Variants in SNX24 observed in about 807,000 individuals in gnomAD.
The protein encoded by SNX24 is sorting nexin-24.
A neutral mutation model predicts 28.7 loss-of-function variants in SNX24; 22 were observed. The ratio of observed to expected loss-of-function variants is 0.77; its 90% CI spans 0.55 to 1.10. SNX24 has a LOEUF of 1.10. Among genes scored for constraint, SNX24 ranks in the 50% least tolerant of loss-of-function variants. SNX24 has a pLI of 0.00. For synonymous variants in SNX24, 69 were observed against 71.5 expected, an observed-to-expected ratio of 0.96 and a Z score of 0.18; for missense variants, 221 against 201.1, an observed-to-expected ratio of 1.10 and a Z score of -0.60.
chr5:123,008,108 A>T lies in SNX24; in HGVS notation c.*359A>T. 1 of 1,038,280 alleles carries T rather than the reference A, an allele frequency of 9.6e-7. No homozygotes were observed. The highest frequency in any genetic ancestry group is 1.2e-6 in the Non-Finnish European group (1 of 864,146). 64.3% of individuals were successfully genotyped at this position (1,038,280 alleles called of 1,614,324 possible). A position where few individuals can be genotyped will look rare whatever the true frequency, so the allele number is the denominator to read the frequency against. On this transcript the variant is annotated 3_prime_UTR_variant, in exon 7 of 7. Coordinates refer to ENST00000261369, the MANE Select transcript of SNX24 (RefSeq NM_014035.4). ...TTTGCTAATTGAAAATCATATCCTG[A>T]ATCATACTGAGACTGATCAACTTTG...
At chr5:123,012,433 T>A (rs1762603149), downstream of SNX24, among the ~76,000 whole-genome samples, 1 of 152,180 alleles carries the variant, frequency 6.6e-6, no homozygotes, top group Non-Finnish European at 1.5e-5. Flanking sequence ...ATGATTCCAT[T>A]TCTATGAAGT....
intron 1 of SNX24, among the ~76,000 whole-genome samples, chr5:122,900,086 C>G (rs1490900389): frequency 2.0e-5 from 3 of 151,748 alleles, no homozygotes; most frequent in Non-Finnish European, 4.4e-5. Flanking sequence ...GTGGCGTGGT[C>G]AGGGATCACT....
At chr5:122,847,977 T>G (rs999306589) in intron 1 of SNX24, among the ~76,000 whole-genome samples, 1 of 152,118 alleles carries the variant, frequency 6.6e-6, no homozygotes, top group Admixed American at 6.5e-5. Flanking sequence ...GAATAAGCTA[T>G]GAATATAGCA....
intron 3 of SNX24, among the ~76,000 whole-genome samples, chr5:122,967,678 C>T (rs544301796): frequency 6.6e-6 from 1 of 152,270 alleles, no homozygotes; most frequent in South Asian, 2.1e-4. Context: ...TACGGGCATC[C>T]CCACAACCAG....
intron 5 of SNX24, among the ~76,000 whole-genome samples, chr5:123,015,156 G>A (rs912216426): frequency 1.2e-4 from 19 of 152,222 alleles, no homozygotes. Context: ...TCTGACTTGT[G>A]AACAGTTTCT....
chr5:122,945,817 T>C (rs1158430261), intron 2 of SNX24, among the ~76,000 whole-genome samples: 2 of 152,162 alleles, frequency 1.3e-5, no homozygotes, highest in Non-Finnish European at 2.9e-5. Context: ...ATCTGAAATA[T>C]CAACAATAAT....
intron 3 of SNX24, among the ~76,000 whole-genome samples, chr5:122,983,727 C>G (rs560132854): frequency 2.0e-5 from 3 of 152,136 alleles, no homozygotes; most frequent in African/African-American, 7.2e-5. Context: ...CCTTAGCTAC[C>G]TGAGTAGGTG....
chr5:122,921,963 G>C (rs1473614080), intron 1 of SNX24, among the ~76,000 whole-genome samples: 1 of 152,142 alleles, frequency 6.6e-6, no homozygotes, highest in Non-Finnish European at 1.5e-5. Context: ...AATACAAGAA[G>C]CTCTTGGAAT....
chr5:122,884,170 T>G (rs1756595628), intron 1 of SNX24, among the ~76,000 whole-genome samples: 1 of 152,124 alleles, frequency 6.6e-6, no homozygotes, highest in African/African-American at 2.4e-5. Flanking sequence ...CCTGTAGGAA[T>G]CAGTTAGTCT....
intron 1 of SNX24, among the ~76,000 whole-genome samples, chr5:122,913,505 C>T (rs571495536): frequency 0.012 from 1,812 of 151,780 alleles, 22 homozygotes; most frequent in Non-Finnish European, 0.017. Flanking sequence ...ACTTCCCAGA[C>T]GTGGTGGCTG....
At chr5:123,004,947 C>T (rs1762374110) in intron 6 of SNX24, among the ~76,000 whole-genome samples, 1 of 152,224 alleles carries the variant, frequency 6.6e-6, no homozygotes, top group Admixed American at 6.5e-5. Flanking sequence ...AAATCACCTT[C>T]CTTCTCATCA....
At chr5:122,886,155 G>A (rs1756704541) in intron 1 of SNX24, among the ~76,000 whole-genome samples, 2 of 152,172 alleles carry the variant, frequency 1.3e-5, no homozygotes, top group South Asian at 2.1e-4. Flanking sequence ...CTACAGCTTC[G>A]TGATGACACT....
At chr5:123,025,662 G>T in intron 5 of SNX24, 1 of 999,662 alleles carries the variant, frequency 1.0e-6, no homozygotes. Context: ...ATTCACCTTT[G>T]AAGAGGCCAG....
intron 1 of SNX24, among the ~76,000 whole-genome samples, chr5:122,862,627 G>T (rs1055283748): frequency 1.3e-5 from 2 of 149,432 alleles, no homozygotes; most frequent in African/African-American, 4.9e-5. Flanking sequence ...AAAGAGAAAG[G>T]AAGGAAAGAT....
chr5:122,958,805 C>T (rs961749046), intron 3 of SNX24, among the ~76,000 whole-genome samples: 1 of 152,058 alleles, frequency 6.6e-6, no homozygotes, highest in African/African-American at 2.4e-5. Flanking sequence ...AACAATCTGC[C>T]TGCCTCAGCC....
chr5:122,895,157 A>G (rs1388134584), intron 1 of SNX24, among the ~76,000 whole-genome samples: 1 of 151,994 alleles, frequency 6.6e-6, no homozygotes, highest in Non-Finnish European at 1.5e-5. Context: ...TAAAATATAC[A>G]TGGTTGCACA....
intron 3 of SNX24, among the ~76,000 whole-genome samples, chr5:122,995,657 T>C (rs979228827): frequency 2.6e-5 from 4 of 152,242 alleles, no homozygotes; most frequent in Non-Finnish European, 4.4e-5. Context: ...TATTTCACTC[T>C]GTGTGTATAC....
intron 3 of SNX24, among the ~76,000 whole-genome samples, chr5:122,960,455 A>C (rs1446876395): frequency 2.0e-5 from 3 of 152,162 alleles, no homozygotes; most frequent in African/African-American, 7.2e-5. Context: ...GTTTTTTGTG[A>C]CTGTAAACTA....
At chr5:122,999,805 G>T in intron 3 of SNX24, 107 bp from the exon 4 acceptor site, 1 of 743,098 alleles carries the variant, frequency 1.3e-6, no homozygotes, top group South Asian at 1.6e-5. Flanking sequence ...GAGGAATGTT[G>T]CTGGTAAGAA....
Sources: gnomAD v4.1 joint callset for allele counts (sites outside exome capture counted in the v4.1 genomes callset) on GRCh38, gnomAD v4.1.1 for gene constraint, MANE v1.5 for transcripts, NCBI Gene and HGNC (gene_info 2026-07-23, HGNC 2026-07-21) for gene names.